Variants in POSTN observed in about 807,000 individuals in gnomAD.
The protein encoded by POSTN is periostin.
Under a neutral mutation model 104.5 loss-of-function variants are expected in POSTN, and 71 were observed. The observed-to-expected ratio is 0.68, with a 90% CI of 0.56 to 0.83. The LOEUF (loss-of-function observed/expected upper bound fraction) is 0.83, where lower values mean the gene tolerates loss of function less well. Among genes scored for constraint, POSTN ranks in the 40% least tolerant of loss-of-function variants. The pLI, the probability that POSTN is intolerant of heterozygous loss-of-function variation, is 0.00. For synonymous variants in POSTN, 355 were observed against 340.7 expected (o/e 1.04, Z -0.46); for missense variants, 949 against 1,006.8 (o/e 0.94, Z 0.78).
chr13:37,576,532 A>G (rs4512969), intron 16 of POSTN, among the ~76,000 whole-genome samples: 13,417 of 152,160 alleles, frequency 0.088, 825 homozygotes, highest in South Asian at 0.17. Flanking sequence ...TTGCATTCAC[A>G]TATATAGAAA....
intron 17 of POSTN, among the ~76,000 whole-genome samples, chr13:37,572,519 C>T (rs538840340): frequency 3.3e-5 from 5 of 151,462 alleles, no homozygotes; most frequent in African/African-American, 7.2e-5. Flanking sequence ...ACCAAAAATG[C>T]GTTAATAAAA....
In POSTN at chr13:37,582,419, G is replaced by T; in HGVS notation, c.1339C>A (p.Gln447Lys). ...TTGCCTCCGATGGTTTCCAGTATTT[G>T]CCCGTTGTAAAGCTCATTAAGGCCA... ...KVGLNELYNGQILETIGGKQL... is the reference protein window; with the variant it reads ...KVGLNELYNGKILETIGGKQL... Residue 447 changes from glutamine (Q) to lysine (K), a missense_variant, in exon 10 of 23, where the codon CAA becomes AAA. Transcript: ENST00000379747. The T allele has an allele frequency of 6.2e-7, 1 of 1,613,804 alleles. No homozygotes were observed. The highest frequency in any genetic ancestry group is 1.3e-5 in the African/African-American group (1 of 75,008).
chr13:37,592,404 T>C (rs565512808), intron 2 of POSTN, among the ~76,000 whole-genome samples: 14 of 152,256 alleles, frequency 9.2e-5, no homozygotes, highest in Middle Eastern at 3.4e-3. Flanking sequence ...GTTCACGCCA[T>C]TCTCCTGCCT....
At chr13:37,569,709 T>G (rs1593313021) in intron 20 of POSTN, 35 bp downstream of exon 20, 1 of 1,427,618 alleles carries the variant, frequency 7.0e-7, no homozygotes, top group Non-Finnish European at 9.9e-7. Flanking sequence ...ATAGCTTAGG[T>G]AAAGTCACAT....
At position 37,570,631 on chromosome 13, in the gene POSTN, C is replaced by T; in HGVS notation, c.2218G>A (p.Val740Met). Residue 740 changes from valine to methionine, a missense_variant, in exon 19 of 23, where the codon GTG becomes ATG. Transcript: ENST00000379747. ...TCTTTTTCAGTTATTTCCACAGGCA[C>T]TCCATCAATGATTTTGGTGTATTTT... ...IKKYTKIIDGVPVEITEKETR... is the reference protein window; with the variant it reads ...IKKYTKIIDGMPVEITEKETR... 1 of 1,609,218 alleles carries T rather than the reference C, an allele frequency of 6.2e-7. No homozygotes were observed. Among genetic ancestry groups the T allele is most frequent in the Non-Finnish European group, 8.5e-7 (1 of 1,176,112 alleles).
rs770254593 is a variant in POSTN at position 37,584,825 on chromosome 13, A to G, written c.999T>C (p.Cys333=). Residue 333 remains cysteine, a synonymous_variant, in exon 8 of 23, where the codon TGT becomes TGC. Coordinates refer to ENST00000379747, the MANE Select transcript of POSTN (RefSeq NM_006475.3). ...CATTTACTGTTATACTGTCACCGTCACATCCTATCTCAATTGTATTTCCTT... is the reference window on the plus strand; with the variant it reads ...CATTTACTGTTATACTGTCACCGTCGCATCCTATCTCAATTGTATTTCCTT... ...TLEGNTIEIG[C]DGDSITVNGI... 1 of 1,613,942 alleles carries G rather than the reference A, an allele frequency of 6.2e-7. No individual in the cohort carries two copies. Among genetic ancestry groups the G allele is most frequent in the East Asian group, 2.2e-5 (1 of 44,842 alleles).
chr13:37,581,396 G>A (rs532200661), intron 10 of POSTN, among the ~76,000 whole-genome samples: 2 of 152,080 alleles, frequency 1.3e-5, no homozygotes, highest in African/African-American at 4.8e-5. Context: ...ATTTTGATAA[G>A]CAATATTTCT....
At chr13:37,569,874 T>C (rs900700674) in intron 19 of POSTN, 53 bp from the exon 20 acceptor site, 8 of 1,231,900 alleles carry the variant, frequency 6.5e-6, no homozygotes, top group Middle Eastern at 3.8e-4. Flanking sequence ...AAACTTCTTC[T>C]GCGAAGTGAC....
intron 10 of POSTN, 67 bp from the exon 11 acceptor site, chr13:37,580,764 T>C: frequency 6.3e-7 from 1 of 1,595,418 alleles, no homozygotes; most frequent in Non-Finnish European, 8.6e-7. Context: ...TAGATGTAAC[T>C]ACATAATTAA....
intron 3 of POSTN, among the ~76,000 whole-genome samples, chr13:37,591,321 A>T (rs1950926209): frequency 6.6e-6 from 1 of 152,190 alleles, no homozygotes; most frequent in African/African-American, 2.4e-5. Flanking sequence ...ATTTTAATTG[A>T]TTCTAAATTC....
At chr13:37,573,385 A>G (rs1950310808) in intron 17 of POSTN, among the ~76,000 whole-genome samples, 1 of 151,350 alleles carries the variant, frequency 6.6e-6, no homozygotes, top group African/African-American at 2.4e-5. Context: ...CGATTAAATA[A>G]TTATAATTAT....
Position 37,579,976 on chromosome 13 carries a change from T to G in POSTN, c.1545A>C (p.Leu515=). ...QDKRFSTFLS[L]LEAADLKELL... ...GCTCTTTCAAGTCTGCAGCTTCAAGTAGGCTGAGGAAGGTGCTAAGTGGGA... is the reference window on the plus strand; with the variant it reads ...GCTCTTTCAAGTCTGCAGCTTCAAGGAGGCTGAGGAAGGTGCTAAGTGGGA... Residue 515 remains leucine (L), a synonymous_variant, in exon 12 of 23, where the codon CTA becomes CTC. Coordinates refer to ENST00000379747, the MANE Select transcript of POSTN (RefSeq NM_006475.3). 1 of 1,613,506 alleles carries G rather than the reference T, an allele frequency of 6.2e-7. No homozygotes were observed. Among genetic ancestry groups the G allele is most frequent in the Non-Finnish European group, 8.5e-7 (1 of 1,179,458 alleles).
chr13:37,587,661 A>G (rs1950788431), intron 5 of POSTN, among the ~76,000 whole-genome samples, 161 bp downstream of exon 5: 1 of 152,170 alleles, frequency 6.6e-6, no homozygotes, highest in Non-Finnish European at 1.5e-5. Context: ...TAATAACCAG[A>G]TTGGAAATTT....
At chr13:37,583,401 T>A (rs1376681129) in intron 9 of POSTN, among the ~76,000 whole-genome samples, 1 of 151,960 alleles carries the variant, frequency 6.6e-6, no homozygotes, top group African/African-American at 2.4e-5. Flanking sequence ...GCTGGAAATA[T>A]TAGATTCACA....
intron 11 of POSTN, among the ~76,000 whole-genome samples, 190 bp from the exon 12 acceptor site, chr13:37,580,181 C>A (rs1290394559): frequency 6.6e-6 from 1 of 152,146 alleles, no homozygotes. Flanking sequence ...ATATACAATA[C>A]AATTTTTAAT....
chr13:37,577,865 A>C, intron 15 of POSTN, 67 bp from the exon 16 acceptor site: 1 of 1,595,626 alleles, frequency 6.3e-7, no homozygotes, highest in East Asian at 2.3e-5. Context: ...CCATGGCACC[A>C]CTTTAATTCT....
At chr13:37,582,558 A>T in intron 9 of POSTN, 44 bp from the exon 10 acceptor site, 1 of 1,517,524 alleles carries the variant, frequency 6.6e-7, no homozygotes, top group Non-Finnish European at 8.9e-7. Flanking sequence ...TTATTTAGAA[A>T]ACATTGAAGT....
At chr13:37,569,423 A>G in intron 20 of POSTN, 40 bp from the exon 21 acceptor site, 2 of 1,463,404 alleles carry the variant, frequency 1.4e-6, no homozygotes, top group East Asian at 4.5e-5. Context: ...TGGTTTATAT[A>G]ACAAAATAAA....
chr13:37,580,711 G>T lies in POSTN; in HGVS notation c.1393-14C>A. 1.2e-6 allele frequency: 2 copies of T among 1,613,880 alleles called. No individual in the cohort carries two copies. The highest frequency in any genetic ancestry group is 1.1e-5 in the South Asian group (1 of 91,072). The stretch of plus-strand genomic sequence containing the variant: ...AATGCAGACAGCCTAGGAAAGGAAA[G>T]AAAGGTATGGGGTGTCATTTTCCTT... On this transcript the variant is annotated splice_polypyrimidine_tract_variant and intron_variant, in intron 10 of 22. Transcript: ENST00000379747.
Sources: allele counts gnomAD v4.1 joint callset (sites outside exome capture counted in the v4.1 genomes callset), GRCh38; gene constraint gnomAD v4.1.1; transcripts MANE v1.5; gene names NCBI Gene and HGNC (gene_info 2026-07-23, HGNC 2026-07-21).